Variants in PCDHGA3 observed in about 807,000 individuals in gnomAD.
PCDHGA3 encodes the protein protocadherin gamma-A3.
Under a neutral mutation model 58.5 loss-of-function variants are expected in PCDHGA3, and 40 were observed. The ratio of observed to expected loss-of-function variants is 0.68; its 90% CI spans 0.53 to 0.89. The LOEUF (loss-of-function observed/expected upper bound fraction) is 0.89, where lower values mean the gene tolerates loss of function less well. Ranked by LOEUF, PCDHGA3 falls within the 40% of genes least tolerant of loss-of-function variation. The pLI is 0.00. For synonymous variants in PCDHGA3, 530 were observed against 525.7 expected (o/e 1.01, Z -0.11); for missense variants, 1,223 against 1,195.9 (o/e 1.02, Z -0.33).
intron 2 of PCDHGA3, among the ~76,000 whole-genome samples, chr5:141,499,983 C>T (rs765029745): frequency 5.3e-5 from 8 of 151,352 alleles, no homozygotes; most frequent in African/African-American, 9.7e-5. Context: ...CCACCTTGCC[C>T]GGCCAGATGA....
intron 2 of PCDHGA3, among the ~76,000 whole-genome samples, chr5:141,503,780 T>G (rs779791247): frequency 7.2e-5 from 11 of 152,124 alleles, no homozygotes; most frequent in Non-Finnish European, 1.3e-4. Flanking sequence ...GTTCTTAGGC[T>G]GAGTTCATCT....
chr5:141,416,828 C>T (rs1014962852), intron 1 of PCDHGA3: 2 of 152,042 alleles, frequency 1.3e-5, no homozygotes, highest in African/African-American at 4.8e-5. Context: ...CGAAGTTTCT[C>T]AAGACCCTTA....
intron 1 of PCDHGA3, chr5:141,419,411 C>A (rs757881409): frequency 1.9e-6 from 3 of 1,613,462 alleles, no homozygotes; most frequent in Non-Finnish European, 2.5e-6. Context: ...GTTCGCGCAG[C>A]GCGCCTTCGA....
chr5:141,362,748 A>C lies in PCDHGA3; in HGVS notation c.2424+16291A>C, dbSNP rs146059189. 1,393 of 693,104 alleles carry C rather than the reference A, an allele frequency of 2.0e-3. 24 individuals carry two copies. In the East Asian group the frequency reaches 0.035, roughly 17 times the overall value. The allele number at this position is 693,104 out of a possible 1,614,324, so 42.9% of individuals were successfully genotyped here. A position where few individuals can be genotyped will look rare whatever the true frequency, so the allele number is the denominator to read the frequency against. On this transcript the variant is annotated intron_variant, in intron 1 of 3. Coordinates refer to ENST00000253812, the MANE Select transcript of PCDHGA3 (RefSeq NM_018916.4). ...GTGAGATTTATTTACCCATGATTGC[A>C]AACCTTTATCACATGAGATATTGCA...
At chr5:141,381,826 CT>C (rs770630741) in intron 1 of PCDHGA3, among the ~76,000 whole-genome samples, 3,016 of 74,262 alleles carry the variant, frequency 0.041, 29 homozygotes, top group African/African-American at 0.078. Flanking sequence ...CTTTCTTCTT[CT>C]TTTTTTTTTT....
intron 1 of PCDHGA3, among the ~76,000 whole-genome samples, chr5:141,444,885 T>C (rs547403761): frequency 6.6e-6 from 1 of 152,320 alleles, no homozygotes; most frequent in African/African-American, 2.4e-5. Flanking sequence ...TGTAGGATTT[T>C]TGAATGGGAT....
chr5:141,490,623 T>C lies in PCDHGA3; in HGVS notation c.2425-4184T>C. The C allele has an allele frequency of 3.1e-6, 5 of 1,614,174 alleles. No individual in the cohort carries two copies. The highest frequency in any genetic ancestry group is 4.2e-6 in the Non-Finnish European group (5 of 1,180,020). ...GCTTCAACCAGCAGCTTTACACTGC[T>C]TACATCCTAGAAAACCGGCCTCCGG... On this transcript the variant is annotated intron_variant, in intron 1 of 3. Coordinates refer to ENST00000253812, the MANE Select transcript of PCDHGA3 (RefSeq NM_018916.4). This position sits in a 1 kb window ranked among gnomAD's most constrained non-coding sequence, Gnocchi z 5.4.
intron 1 of PCDHGA3, among the ~76,000 whole-genome samples, chr5:141,354,849 T>C (rs950733549): frequency 4.6e-5 from 7 of 152,232 alleles, no homozygotes; most frequent in Non-Finnish European, 7.3e-5. Context: ...TCTTGAATTT[T>C]CATTGCAAAT....
In PCDHGA3 at chr5:141,491,634, C is replaced by T; in HGVS notation, c.2425-3173C>T. On this transcript the variant is annotated intron_variant, in intron 1 of 3. Coordinates refer to ENST00000253812, the MANE Select transcript of PCDHGA3 (RefSeq NM_018916.4). This position sits in a 1 kb window ranked among gnomAD's most constrained non-coding sequence, Gnocchi z 6.9. ...TAAGACCCCTCAGCGTTCAGCAGCC[C>T]ACAGCTCTGGCGCTGGAGCCTGACG... 1 of 1,613,892 alleles carries T rather than the reference C, an allele frequency of 6.2e-7. No individual in the cohort carries two copies. Among genetic ancestry groups the T allele is most frequent in the South Asian group, 1.1e-5 (1 of 91,084 alleles).
chr5:141,405,446 G>A, intron 1 of PCDHGA3: 1 of 1,338,140 alleles, frequency 7.5e-7, no homozygotes, highest in Non-Finnish European at 1.0e-6. Flanking sequence ...TTGAGACAGA[G>A]TCTTACTCTG....
At chr5:141,370,456 T>A (rs889377616) in intron 1 of PCDHGA3, 17 of 1,611,826 alleles carry the variant, frequency 1.1e-5, no homozygotes, top group Non-Finnish European at 1.3e-5. Flanking sequence ...TTTCTCTTCC[T>A]GCTCTCTTTG....
chr5:141,430,970 A>G (rs1026736997), intron 1 of PCDHGA3: 3 of 1,613,068 alleles, frequency 1.9e-6, no homozygotes, highest in Non-Finnish European at 2.5e-6. Context: ...CCCCAGAGGT[A>G]GGACGCAGCT....
At chr5:141,351,420 C>T (rs779349797) in intron 1 of PCDHGA3, 4 of 1,611,526 alleles carry the variant, frequency 2.5e-6, no homozygotes, top group Non-Finnish European at 3.4e-6. Flanking sequence ...GAAGAAGTTC[C>T]TTTCAAATTA....
intron 1 of PCDHGA3, chr5:141,365,756 G>C: frequency 6.2e-7 from 1 of 1,613,776 alleles, no homozygotes; most frequent in Non-Finnish European, 8.5e-7. Context: ...CTCTGTGACA[G>C]CCCATGACCC....
At chr5:141,450,817 A>T (rs1302552522) in intron 1 of PCDHGA3, among the ~76,000 whole-genome samples, 1 of 137,468 alleles carries the variant, frequency 7.3e-6, no homozygotes, top group Non-Finnish European at 1.5e-5. Context: ...TTTATTTAAT[A>T]TTATTATTAT....
Position 141,351,019 on chromosome 5 carries a change from G to T in PCDHGA3, c.2424+4562G>T, listed in dbSNP as rs777583740. The T allele has an allele frequency of 8.1e-6, 13 of 1,613,954 alleles. No homozygotes were observed. The Admixed American group carries it at 1.2e-4, about 14-fold the overall frequency. ...GGGTTAGCCTCCAAGAAAACGTACC[G>T]TGGGGAACCTCCGTGCTGCGGGTGA... On this transcript the variant is annotated intron_variant, in intron 1 of 3. Coordinates refer to ENST00000253812, the MANE Select transcript of PCDHGA3 (RefSeq NM_018916.4).
At chr5:141,420,222 TG>T in intron 1 of PCDHGA3, 1 of 1,604,490 alleles carries the variant, frequency 6.2e-7, no homozygotes, top group East Asian at 2.2e-5. Flanking sequence ...AGCATGCTAC[TG>T]GCTAGCATTT....
intron 1 of PCDHGA3, chr5:141,390,092 G>A (rs1469999630): frequency 1.9e-6 from 3 of 1,613,918 alleles, no homozygotes; most frequent in African/African-American, 2.7e-5. Context: ...CCGAATCCGT[G>A]GTTCCCCCCA....
chr5:141,372,053 C>T, intron 1 of PCDHGA3: 1 of 1,613,498 alleles, frequency 6.2e-7, no homozygotes, highest in Middle Eastern at 1.7e-4. Context: ...TGTTGGTGGA[C>T]GACCGCAACG....
Sources: gnomAD v4.1 joint callset for allele counts (sites outside exome capture counted in the v4.1 genomes callset) on GRCh38, gnomAD v4.1.1 for gene constraint, Gnocchi (gnomAD v3.1) non-coding constraint, MANE v1.5 for transcripts, NCBI Gene and HGNC (gene_info 2026-07-23, HGNC 2026-07-21) for gene names.